The following RFX3 variants were observed in gnomAD, a reference collection of about 807,000 sequenced individuals.
The protein encoded by RFX3 is transcription factor RFX3.
RFX3 carries 14 observed loss-of-function variants against 98.6 expected under a neutral mutation model. That is an observed-to-expected ratio of 0.14 (90% CI 0.09 to 0.22). The LOEUF (loss-of-function observed/expected upper bound fraction) is 0.22, where lower values mean the gene tolerates loss of function less well. Among genes scored for constraint, RFX3 ranks in the 10% least tolerant of loss-of-function variants. RFX3 has a pLI of 1.00. For synonymous variants in RFX3, 383 were observed against 328.4 expected, an observed-to-expected ratio of 1.17 and a Z score of -1.80; for missense variants, 639 against 926.9, an observed-to-expected ratio of 0.69 and a Z score of 4.03.
intron 3 of RFX3, among the ~76,000 whole-genome samples, chr9:3,337,509 A>C (rs1833326831): frequency 6.6e-6 from 1 of 152,218 alleles, no homozygotes; most frequent in Non-Finnish European, 1.5e-5. Context: ...CTAAACAAGG[A>C]GCTAGGGGCA....
intron 7 of RFX3, among the ~76,000 whole-genome samples, chr9:3,283,522 G>C (rs1365928811): frequency 6.6e-6 from 1 of 151,640 alleles, no homozygotes; most frequent in Non-Finnish European, 1.5e-5. Context: ...CGTTTAACTA[G>C]TCTATGAACC....
At chr9:3,262,905 A>C in intron 13 of RFX3, 30 bp downstream of exon 13, 1 of 1,606,924 alleles carries the variant, frequency 6.2e-7, no homozygotes, top group Non-Finnish European at 8.5e-7. Context: ...TCTTTCCTTA[A>C]GAGACATGCT....
intron 14 of RFX3, among the ~76,000 whole-genome samples, chr9:3,250,734 C>G (rs1821286389): frequency 6.6e-6 from 1 of 151,424 alleles, no homozygotes; most frequent in Non-Finnish European, 1.5e-5. Context: ...TATGGCTCAT[C>G]CAGATATAAA....
At chr9:3,364,428 T>C in intron 2 of RFX3, 1 of 250,192 alleles carries the variant, frequency 4.0e-6, no homozygotes, top group Non-Finnish European at 7.7e-6. Context: ...TTCCAACTCC[T>C]GAAGAAGTTA....
chr9:3,238,771 T>G (rs1563781648), intron 15 of RFX3, among the ~76,000 whole-genome samples: 1 of 152,194 alleles, frequency 6.6e-6, no homozygotes, highest in Non-Finnish European at 1.5e-5. Context: ...GCGGATCACG[T>G]GAGGTCGGGA....
At chr9:3,396,039 C>A (rs968296737) in intron 1 of RFX3, among the ~76,000 whole-genome samples, 3 of 151,690 alleles carry the variant, frequency 2.0e-5, no homozygotes, top group African/African-American at 7.3e-5. Context: ...TAGAGTAAAT[C>A]ATTTCTTTTT....
intron 1 of RFX3, among the ~76,000 whole-genome samples, chr9:3,458,199 T>A (rs1455035386): frequency 2.6e-5 from 4 of 152,096 alleles, no homozygotes; most frequent in Non-Finnish European, 4.4e-5. Context: ...ATGGGGTCAG[T>A]TATTAAAAAA....
intron 1 of RFX3, among the ~76,000 whole-genome samples, chr9:3,445,835 T>C (rs1845998764): frequency 6.6e-6 from 1 of 152,172 alleles, no homozygotes. Flanking sequence ...AATGCATTTG[T>C]ACTTGCTGTT....
chr9:3,391,302 T>C (rs528308208), intron 2 of RFX3, among the ~76,000 whole-genome samples: 1 of 151,966 alleles, frequency 6.6e-6, no homozygotes, highest in Non-Finnish European at 1.5e-5. Context: ...CTGGGGAGCT[T>C]CAAACATGAC....
chr9:3,320,115 G>T (rs1017587144), intron 4 of RFX3, among the ~76,000 whole-genome samples: 24 of 152,056 alleles, frequency 1.6e-4, no homozygotes, highest in Admixed American at 2.0e-4. Flanking sequence ...CATGCATTTG[G>T]GGAATATGAC....
intron 10 of RFX3, 148 bp from the exon 11 acceptor site, chr9:3,270,673 C>A: frequency 1.3e-6 from 1 of 779,844 alleles, no homozygotes; most frequent in Admixed American, 2.8e-5. Flanking sequence ...GCTATATATA[C>A]CGAGAGAGAC....
At chr9:3,379,220 C>G (rs567393161) in intron 2 of RFX3, among the ~76,000 whole-genome samples, 1 of 152,158 alleles carries the variant, frequency 6.6e-6, no homozygotes, top group African/African-American at 2.4e-5. Flanking sequence ...TAAGACCATA[C>G]TAATGAAAAA....
intron 3 of RFX3, among the ~76,000 whole-genome samples, chr9:3,341,057 T>C (rs1450398911): frequency 2.6e-5 from 4 of 152,304 alleles, no homozygotes; most frequent in East Asian, 3.9e-4. Context: ...ATACACACCA[T>C]AGAATACTAT....
intron 2 of RFX3, among the ~76,000 whole-genome samples, chr9:3,380,055 T>A (rs1839013216): frequency 6.6e-6 from 1 of 152,012 alleles, no homozygotes. Context: ...GCGTCCCAAG[T>A]AGCTGGGATT....
chr9:3,353,571 C>T (rs1308057301), intron 2 of RFX3, among the ~76,000 whole-genome samples: 1 of 151,878 alleles, frequency 6.6e-6, no homozygotes, highest in African/African-American at 2.4e-5. Context: ...TGTAGATATA[C>T]CAGAAGGAGT....
At chr9:3,524,593 C>T in intron 1 of RFX3, 3 of 981,914 alleles carry the variant, frequency 3.1e-6, no homozygotes, top group Non-Finnish European at 2.4e-6. Context: ...ATAACTGTCA[C>T]AAATAACACT....
intron 2 of RFX3, among the ~76,000 whole-genome samples, chr9:3,366,273 G>C (rs1363480775): frequency 6.6e-6 from 1 of 152,116 alleles, no homozygotes; most frequent in Non-Finnish European, 1.5e-5. Context: ...AGTACATATA[G>C]TATAGGAACC....
chr9:3,436,121 T>G (rs1365259026), intron 1 of RFX3, among the ~76,000 whole-genome samples: 1 of 152,068 alleles, frequency 6.6e-6, no homozygotes, highest in Admixed American at 6.6e-5. Flanking sequence ...GACATCTAGA[T>G]AGAAGCAAGC....
chr9:3,349,937 A>C (rs190283792), intron 2 of RFX3, among the ~76,000 whole-genome samples: 124 of 152,212 alleles, frequency 8.1e-4, no homozygotes, highest in African/African-American at 2.7e-3. Flanking sequence ...TAAAATTGTA[A>C]ACCTGTTTGC....
Sources: gnomAD v4.1 joint callset for allele counts (sites outside exome capture counted in the v4.1 genomes callset) on GRCh38, gnomAD v4.1.1 for gene constraint, MANE v1.5 for transcripts, NCBI Gene and HGNC (gene_info 2026-07-23, HGNC 2026-07-21) for gene names.